Variants in ACADS observed in about 807,000 individuals in gnomAD.
ACADS encodes short-chain specific acyl-CoA dehydrogenase, mitochondrial.
Under a neutral mutation model 46.8 loss-of-function variants are expected in ACADS, and 28 were observed. The ratio of observed to expected loss-of-function variants is 0.60; its 90% confidence interval spans 0.44 to 0.82. The LOEUF (loss-of-function observed/expected upper bound fraction) is 0.82. Among genes scored for constraint, ACADS ranks in the 40% least tolerant of loss-of-function variants. The pLI, the probability that ACADS is intolerant of heterozygous loss-of-function variation, is 0.00. For synonymous variants in ACADS, 236 were observed against 237.7 expected (o/e 0.99, Z 0.07); for missense variants, 528 against 578.0 (o/e 0.91, Z 0.89).
chr12:120,732,241 C>A (rs1323539566), intron 2 of ACADS, among the ~76,000 whole-genome samples: 1 of 150,594 alleles, frequency 6.6e-6, no homozygotes, highest in Non-Finnish European at 1.5e-5. Context: ...ACCTCCCGGA[C>A]GGGGCGGCTG....
Position 120,738,445 on chromosome 12 carries a change from G to C in ACADS, c.790G>C (p.Ala264Pro). Reference protein sequence around the residue: ...LGEPGMGFKIAMQTLDMGRIG... With the variant: ...LGEPGMGFKIPMQTLDMGRIG... ...GGAGCCAGGGATGGGCTTCAAGATA[G>C]CCATGGTGAGCCCGGCAGTGGGGGT... Residue 264 changes from alanine to proline, a missense_variant, in exon 6 of 10, where the codon GCC (alanine) becomes CCC (proline). Coordinates refer to ENST00000242592, the MANE Select transcript of ACADS (RefSeq NM_000017.4). 1.2e-6 allele frequency: 2 copies of C among 1,609,720 alleles called. No individual in the cohort carries two copies. Among genetic ancestry groups the C allele is most frequent in the South Asian group, 2.2e-5 (2 of 91,090 alleles).
intron 5 of ACADS, 93 bp from the exon 6 acceptor site, chr12:120,738,187 A>G: frequency 6.3e-7 from 1 of 1,598,894 alleles, no homozygotes; most frequent in Non-Finnish European, 8.5e-7. Flanking sequence ...CTTCTGAGGG[A>G]GGTGGGGAGG....
At chr12:120,734,474 G>A (rs1288766962) in intron 2 of ACADS, among the ~76,000 whole-genome samples, 2 of 152,292 alleles carry the variant, frequency 1.3e-5, no homozygotes, top group Admixed American at 6.5e-5. Context: ...GCTCCGCCCC[G>A]CACTTAGAGT....
rs1271365446 is a variant in ACADS at position 120,728,302 on chromosome 12, C to T, written c.210+1113C>T. On this transcript the variant is annotated intron_variant, in intron 2 of 9. Coordinates refer to ENST00000242592, the MANE Select transcript of ACADS (RefSeq NM_000017.4). This position sits in a 1 kb window ranked among gnomAD's most constrained non-coding sequence, Gnocchi z 4.0. ...CATCAGCGCGCTCCCTCCCGTGCCA[C>T]TGTGTTCTTCCATTTGCATTCAGTC... Among the ~76,000 whole-genome samples the T allele has an allele frequency of 6.6e-6, 1 of 152,076 alleles. No individual in the cohort carries two copies. The highest frequency in any genetic ancestry group is 1.5e-5 in the Non-Finnish European group (1 of 68,030).
chr12:120,739,045 G>A, intron 8 of ACADS, 95 bp from the exon 9 acceptor site: 3 of 1,597,540 alleles, frequency 1.9e-6, no homozygotes, highest in East Asian at 4.5e-5. Context: ...AGCCCCATGG[G>A]GAGGCTCCAC....
intron 7 of ACADS, 33 bp downstream of exon 7, chr12:120,738,703 A>G: frequency 6.2e-7 from 1 of 1,609,804 alleles, no homozygotes; most frequent in Non-Finnish European, 8.5e-7. Context: ...CTGGGCCTAG[A>G]GGCTGGACAG....
At position 120,739,726 on chromosome 12, in the gene ACADS, C is replaced by T; in HGVS notation, c.*278C>T. On this transcript the variant is annotated 3_prime_UTR_variant, in exon 10 of 10. Coordinates refer to ENST00000242592, the MANE Select transcript of ACADS (RefSeq NM_000017.4). Reference sequence around the variant, plus strand: ...GGGGTTGTGGGGGGGCTGAGCGACACTCAGGGACACCTCAGTTGTCCTCCC... The same window carrying T: ...GGGGTTGTGGGGGGGCTGAGCGACATTCAGGGACACCTCAGTTGTCCTCCC... 3.8e-6 allele frequency: 2 copies of T among 520,180 alleles called. No individual in the cohort carries two copies. The highest frequency in any genetic ancestry group is 7.0e-6 in the Non-Finnish European group (2 of 287,138). The allele number at this position is 520,180 out of a possible 1,614,324, so 32.2% of individuals were successfully genotyped here. A position where few individuals can be genotyped will look rare whatever the true frequency, so the allele number is the denominator to read the frequency against.
rs1026252155 is a variant in ACADS, at chr12:120,725,973, G to C, written c.46+42G>C. 17 of 1,499,634 alleles carry C rather than the reference G, an allele frequency of 1.1e-5. No homozygotes were observed. In the African/African-American group the frequency reaches 2.2e-4, roughly 19 times the overall value. 92.9% of individuals were successfully genotyped at this position (1,499,634 alleles called of 1,614,324 possible). A position where few individuals can be genotyped will look rare whatever the true frequency, so the allele number is the denominator to read the frequency against. On this transcript the variant is annotated intron_variant, in intron 1 of 9. Transcript: ENST00000242592. Reference sequence around the variant, plus strand: ...TCCGTACGGCGGGGCTTCAGCCCGCGTCTGGCCCAGCGGGCGGAGGTCCTG... The same window carrying C: ...TCCGTACGGCGGGGCTTCAGCCCGCCTCTGGCCCAGCGGGCGGAGGTCCTG...
In ACADS at chr12:120,738,334, A is replaced by C. The variant is rs1883528816; in HGVS notation, c.679A>C (p.Lys227Gln). Residue 227 changes from lysine to glutamine, a missense_variant, in exon 6 of 10, where the codon AAA becomes CAA. By Grantham distance (53) the Lys-to-Gln change is moderately conservative. Coordinates refer to ENST00000242592, the MANE Select transcript of ACADS (RefSeq NM_000017.4). ...AACGCCTGGGCTCACGTTGGGGAAGAAAGAAGACAAGCTGGGCATCCGGGG... is the reference window on the plus strand; with the variant it reads ...AACGCCTGGGCTCACGTTGGGGAAGCAAGAAGACAAGCTGGGCATCCGGGG... ...MPTPGLTLGKKEDKLGIRGSS... is the reference protein window; with the variant it reads ...MPTPGLTLGKQEDKLGIRGSS... The C allele has an allele frequency of 6.2e-7, 1 of 1,614,184 alleles. No homozygotes were observed. Among genetic ancestry groups the C allele is most frequent in the Non-Finnish European group, 8.5e-7 (1 of 1,180,034 alleles).
At chr12:120,727,903 C>G (rs910005503) in intron 2 of ACADS, among the ~76,000 whole-genome samples, 5 of 152,238 alleles carry the variant, frequency 3.3e-5, no homozygotes, top group Non-Finnish European at 7.4e-5. Context: ...TACCCAAGGT[C>G]ATGGAGCTCA....
rs932226538 is a variant in ACADS at position 120,738,782 on chromosome 12, C to T, written c.934-38C>T. 6 of 1,612,650 alleles carry T rather than the reference C, an allele frequency of 3.7e-6. No individual in the cohort carries two copies. In the African/African-American group the frequency reaches 8.0e-5, roughly 22 times the overall value. On this transcript the variant is annotated intron_variant, in intron 7 of 9. Transcript: ENST00000242592. ...CCCTCCCTTCTGTCCCCTGGAGGGG[C>T]AGCTGCTGACCTGTGGTGTGGGGTG...
At position 120,739,829 on chromosome 12, in the gene ACADS, G is replaced by T. The variant is rs192425836; in HGVS notation, c.*381G>T. 2.8e-4 allele frequency: 77 copies of T among 276,246 alleles called. No individual in the cohort carries two copies. The highest frequency in any genetic ancestry group is 1.6e-3 in the African/African-American group (73 of 45,360). 17.1% of individuals were successfully genotyped at this position (276,246 alleles called of 1,614,324 possible). A position where few individuals can be genotyped will look rare whatever the true frequency, so the allele number is the denominator to read the frequency against. ...GTCTGTCTTTTCCTTGAGGTCAGAGGTCAGGAGCAGGGCTGGGGTCAGGAT... is the reference window on the plus strand; with the variant it reads ...GTCTGTCTTTTCCTTGAGGTCAGAGTTCAGGAGCAGGGCTGGGGTCAGGAT... On this transcript the variant is annotated 3_prime_UTR_variant, in exon 10 of 10. Transcript: ENST00000242592.
At chr12:120,738,134 C>G (rs1335553941) in intron 5 of ACADS, 146 bp downstream of exon 5, 2 of 1,568,312 alleles carry the variant, frequency 1.3e-6, no homozygotes, top group Non-Finnish European at 1.7e-6. Flanking sequence ...CCACTGAAGC[C>G]TGCACCTTCC....
At chr12:120,737,192 G>A (rs1883479659) in intron 3 of ACADS, 57 bp downstream of exon 3, 2 of 1,549,488 alleles carry the variant, frequency 1.3e-6, no homozygotes, top group Admixed American at 2.0e-5. Context: ...CCCGTGAGCG[G>A]GCAGGCTCTG....
At chr12:120,727,350 GGCCAGTA>G (rs1477782772) in intron 2 of ACADS, among the ~76,000 whole-genome samples, 161 bp downstream of exon 2, 1 of 152,190 alleles carries the variant, frequency 6.6e-6, no homozygotes, top group Non-Finnish European at 1.5e-5. Context: ...TCCAGCCTGT[GGCCAGTA>G]GCCAGGACTT....
At position 120,727,047 on chromosome 12, in the gene ACADS, G is replaced by C. The variant is rs773600043; in HGVS notation, c.68G>C (p.Arg23Pro). 1.9e-6 allele frequency: 3 copies of C among 1,613,922 alleles called. No individual in the cohort carries two copies. In the African/African-American group the frequency reaches 4.0e-5, roughly 22 times the overall value. ...GCAGCTCTCTGTCCTAGGGCCTGGC[G>C]GCAGTTACACACCATCTACCAGTCT... ...ARRALCPRAW[R>P]QLHTIYQSVE... The change falls in exon 2 of 10, where the codon CGG (arginine) becomes CCG (proline). Residue 23 changes from arginine (R) to proline (P), a missense_variant. Arg to Pro is a moderately radical substitution (Grantham distance 103). Transcript: ENST00000242592.
chr12:120,737,797 G>C (rs761168694), intron 4 of ACADS, 40 bp from the exon 5 acceptor site: 1 of 1,612,640 alleles, frequency 6.2e-7, no homozygotes. Context: ...TAGGTTGTGT[G>C]GGGTGGGGCG....
rs762303740 is a variant in ACADS, at chr12:120,725,949, C to T, written c.46+18C>T. 2 of 1,536,868 alleles carry T rather than the reference C, an allele frequency of 1.3e-6. No individual in the cohort carries two copies. Among genetic ancestry groups the T allele is most frequent in the African/African-American group, 2.8e-5 (2 of 70,740 alleles). ...CCGCAGAGGTGAGTGCGCTGGGGAT[C>T]CGTACGGCGGGGCTTCAGCCCGCGT... On this transcript the variant is annotated intron_variant, in intron 1 of 9. Transcript: ENST00000242592.
chr12:120,727,235 C>T, intron 2 of ACADS, 46 bp downstream of exon 2: 2 of 1,611,928 alleles, frequency 1.2e-6, no homozygotes, highest in Non-Finnish European at 1.7e-6. Flanking sequence ...CTGCCCTCTG[C>T]TACTGGATGA....
Sources: gnomAD v4.1 joint callset for allele counts (sites outside exome capture counted in the v4.1 genomes callset) on GRCh38, gnomAD v4.1.1 for gene constraint, Gnocchi (gnomAD v3.1) non-coding constraint, MANE v1.5 for transcripts, NCBI Gene and HGNC (gene_info 2026-07-23, HGNC 2026-07-21) for gene names.